PAWR: variants seen among roughly 807,000 people sequenced by gnomAD.
The protein encoded by PAWR is pro-apoptotic WT1 regulator.
PAWR carries 23 observed loss-of-function variants against 32.0 expected under a neutral mutation model. The ratio of observed to expected loss-of-function variants is 0.72; its 90% confidence interval spans 0.52 to 1.02. The LOEUF is 1.02. PAWR is among the 50% of genes least tolerant of loss of function. The probability of loss-of-function intolerance (pLI) is 0.00; values close to 1 mark genes in which losing one functional copy is unlikely to be tolerated. For synonymous variants in PAWR, 226 were observed against 187.1 expected (o/e 1.21, Z -1.70); for missense variants, 457 against 437.7 (o/e 1.04, Z -0.39).
chr12:79,640,470 G>A (rs1876266607), intron 2 of PAWR, among the ~76,000 whole-genome samples: 1 of 152,226 alleles, frequency 6.6e-6, no homozygotes, highest in Non-Finnish European at 1.5e-5. Flanking sequence ...GCTGGGCATA[G>A]TGGCTCACAC....
intron 5 of PAWR, 30 bp from the exon 6 acceptor site, chr12:79,594,463 A>G (rs758799749): frequency 3.9e-6 from 4 of 1,037,538 alleles, no homozygotes; most frequent in Middle Eastern, 2.1e-4. Context: ...ACCAGTAATT[A>G]GGAAGTAATT....
chr12:79,640,958 T>C (rs1876295655), intron 2 of PAWR, among the ~76,000 whole-genome samples: 1 of 152,174 alleles, frequency 6.6e-6, no homozygotes, highest in South Asian at 2.1e-4. Flanking sequence ...AACTAAATTG[T>C]ATATTCTGTT....
At chr12:79,632,361 A>T (rs944796331) in intron 2 of PAWR, among the ~76,000 whole-genome samples, 4,417 of 20,058 alleles carry the variant, frequency 0.22, 452 homozygotes, top group African/African-American at 0.42. Flanking sequence ...ATATATATAT[A>T]TTTTTTTTTT....
At chr12:79,633,303 T>TA (rs1875803649) in intron 2 of PAWR, among the ~76,000 whole-genome samples, 1 of 151,794 alleles carries the variant, frequency 6.6e-6, no homozygotes, top group South Asian at 2.1e-4. Context: ...AGAACACAAT[T>TA]AAAAAAACAA....
chr12:79,594,101 A>G (rs1873657890), intron 6 of PAWR, among the ~76,000 whole-genome samples: 1 of 152,156 alleles, frequency 6.6e-6, no homozygotes, highest in East Asian at 1.9e-4. Flanking sequence ...AACAGAGAAC[A>G]AATCCATAAA....
At chr12:79,681,018 C>T (rs1044879662) in intron 2 of PAWR, among the ~76,000 whole-genome samples, 1 of 150,798 alleles carries the variant, frequency 6.6e-6, no homozygotes, top group Non-Finnish European at 1.5e-5. Context: ...AGGAGGCTCA[C>T]GTGGGAGGAT....
chr12:79,678,216 A>G (rs992705167), intron 2 of PAWR, among the ~76,000 whole-genome samples: 1 of 152,244 alleles, frequency 6.6e-6, no homozygotes, highest in East Asian at 1.9e-4. Flanking sequence ...TAGGCAGACA[A>G]AACTGTTTTC....
At chr12:79,673,424 T>C (rs1878009960) in intron 2 of PAWR, among the ~76,000 whole-genome samples, 2 of 152,202 alleles carry the variant, frequency 1.3e-5, no homozygotes, top group South Asian at 2.1e-4. Flanking sequence ...GAAAAGGAAA[T>C]TGCAAGTCTG....
At chr12:79,660,438 C>G (rs1877293350) in intron 2 of PAWR, among the ~76,000 whole-genome samples, 1 of 152,066 alleles carries the variant, frequency 6.6e-6, no homozygotes, top group Non-Finnish European at 1.5e-5. Flanking sequence ...TATAAGAAGC[C>G]TTCCAAATGA....
chr12:79,615,589 G>A (rs1262471834), intron 3 of PAWR, among the ~76,000 whole-genome samples: 1 of 152,118 alleles, frequency 6.6e-6, no homozygotes, highest in Non-Finnish European at 1.5e-5. Context: ...ACTTTAAAGA[G>A]TTTCTTATCT....
chr12:79,625,564 G>C (rs1263339313), intron 2 of PAWR, among the ~76,000 whole-genome samples: 1 of 152,174 alleles, frequency 6.6e-6, no homozygotes, highest in African/African-American at 2.4e-5. Flanking sequence ...GCTCACGCCT[G>C]TAATCCCAGC....
intron 2 of PAWR, among the ~76,000 whole-genome samples, chr12:79,662,927 A>C (rs889318115): frequency 6.6e-6 from 1 of 152,334 alleles, no homozygotes; most frequent in South Asian, 2.1e-4. Flanking sequence ...AAAACAAAAA[A>C]TAGCTATCCT....
At chr12:79,663,871 A>T (rs1877468059) in intron 2 of PAWR, among the ~76,000 whole-genome samples, 1 of 152,238 alleles carries the variant, frequency 6.6e-6, no homozygotes, top group Non-Finnish European at 1.5e-5. Flanking sequence ...GTAGTGATTT[A>T]CTAACATCCC....
At chr12:79,596,478 T>G in intron 5 of PAWR, 33 bp downstream of exon 5, 1 of 1,104,610 alleles carries the variant, frequency 9.1e-7, no homozygotes, top group East Asian at 2.5e-5. Context: ...GGTATATTAA[T>G]TTTATCAATC....
At chr12:79,608,617 A>G (rs149551106) in intron 4 of PAWR, among the ~76,000 whole-genome samples, 226 of 152,312 alleles carry the variant, frequency 1.5e-3, no homozygotes, top group African/African-American at 5.2e-3. Flanking sequence ...AAATGCATTT[A>G]TGTTATGTAG....
chr12:79,665,204 T>C (rs2136833966), intron 2 of PAWR, among the ~76,000 whole-genome samples: 1 of 152,338 alleles, frequency 6.6e-6, no homozygotes, highest in South Asian at 2.1e-4. Context: ...TTTACTTTTC[T>C]TATAGTCTAC....
intron 3 of PAWR, among the ~76,000 whole-genome samples, chr12:79,617,282 G>A (rs1874785369): frequency 6.6e-6 from 1 of 152,146 alleles, no homozygotes; most frequent in Non-Finnish European, 1.5e-5. Flanking sequence ...AACAGAGAAG[G>A]TGGAGGTTGC....
At chr12:79,630,748 T>C (rs570980145) in intron 2 of PAWR, among the ~76,000 whole-genome samples, 20 of 152,180 alleles carry the variant, frequency 1.3e-4, no homozygotes, top group Non-Finnish European at 2.2e-4. Context: ...CCAAGATGGT[T>C]TGGTAAACTA....
intron 2 of PAWR, among the ~76,000 whole-genome samples, chr12:79,687,354 T>G (rs576546896): frequency 6.6e-6 from 1 of 152,292 alleles, no homozygotes; most frequent in East Asian, 1.9e-4. Flanking sequence ...AGTGAGGTAA[T>G]GAAAGTCACA....
Sources: allele counts gnomAD v4.1 joint callset (sites outside exome capture counted in the v4.1 genomes callset), GRCh38; gene constraint gnomAD v4.1.1; transcripts MANE v1.5; gene names NCBI Gene and HGNC (gene_info 2026-07-23, HGNC 2026-07-21).